LUC7L2: variants seen among roughly 807,000 people sequenced by gnomAD.
The protein encoded by LUC7L2 is putative RNA-binding protein Luc7-like 2.
A neutral mutation model predicts 52.8 loss-of-function variants in LUC7L2; 25 were observed. The ratio of observed to expected loss-of-function variants is 0.47; its 90% CI spans 0.34 to 0.66. LUC7L2 has a LOEUF of 0.66. Among genes scored for constraint, LUC7L2 ranks in the 30% least tolerant of loss-of-function variants. The pLI, the probability that LUC7L2 is intolerant of heterozygous loss-of-function variation, is 0.01. For missense variants in LUC7L2, 328 were observed against 497.8 expected (o/e 0.66, Z 3.25); for synonymous variants, 144 against 160.9 (o/e 0.89, Z 0.80).
intron 2 of LUC7L2, among the ~76,000 whole-genome samples, chr7:139,391,433 A>G (rs1794443912): frequency 6.6e-6 from 1 of 152,228 alleles, no homozygotes; most frequent in African/African-American, 2.4e-5. Context: ...TTATATATTC[A>G]TTAACATATT....
chr7:139,394,319 C>CA (rs1319071722), intron 2 of LUC7L2, among the ~76,000 whole-genome samples: 3 of 152,172 alleles, frequency 2.0e-5, no homozygotes, highest in African/African-American at 7.2e-5. Flanking sequence ...CTATGGAGCT[C>CA]ACATTTTAGT....
chr7:139,399,449 ATTTTTTTTTTTTTTTTTTTTTTTT>A (rs71169090), intron 3 of LUC7L2, among the ~76,000 whole-genome samples: 2 of 50,444 alleles, frequency 4.0e-5, no homozygotes, highest in African/African-American at 1.4e-4. Context: ...TGTTTGGGGG[ATTTTTTTTTTTTTTTTTTTTTTTT>A]TTTTTTTTTT....
intron 7 of LUC7L2, among the ~76,000 whole-genome samples, chr7:139,410,068 G>T (rs10085555): frequency 0.38 from 58,360 of 152,038 alleles, 15,613 homozygotes; most frequent in African/African-American, 0.76. Context: ...TTAGCTGGGC[G>T]AGGTGGCGGG....
chr7:139,372,180 T>C (rs1161106547), intron 1 of LUC7L2, among the ~76,000 whole-genome samples: 1 of 152,182 alleles, frequency 6.6e-6, no homozygotes, highest in East Asian at 1.9e-4. Context: ...CATGTTTTTA[T>C]AGGTGGGATA....
At chr7:139,350,129 T>C (rs1016374362) in intron 1 of LUC7L2, among the ~76,000 whole-genome samples, 9 of 129,902 alleles carry the variant, frequency 6.9e-5, no homozygotes, top group Non-Finnish European at 1.5e-4. Context: ...TAACCTTATC[T>C]TTTTTTTTTT....
chr7:139,370,636 G>A (rs1165903200), intron 1 of LUC7L2, among the ~76,000 whole-genome samples: 3 of 151,844 alleles, frequency 2.0e-5, no homozygotes, highest in East Asian at 1.9e-4. Context: ...TATATTTTTA[G>A]TAGTGATGGG....
In LUC7L2 at chr7:139,405,749, G is replaced by A; in HGVS notation, c.472G>A (p.Glu158Lys). The A allele has an allele frequency of 1.2e-6, 2 of 1,612,320 alleles. No homozygotes were observed. The highest frequency in any genetic ancestry group is 1.7e-6 in the Non-Finnish European group (2 of 1,179,562). The change falls in exon 5 of 10, where the codon GAA becomes AAA. Residue 158 changes from glutamate (E) to lysine (K), a missense_variant. Around this residue, in one of 2 missense-constraint regions of LUC7L2, gnomAD observed 133 missense variants for 274.4 expected, o/e 0.48. Coordinates refer to ENST00000354926, the MANE Select transcript of LUC7L2 (RefSeq NM_016019.5). ...NVEESQKVMD[E>K]VEKARAKKRE... ...GGAGGAATCCCAGAAAGTAATGGATGAAGTAGAGAAAGCACGGGCAAAGAA... is the reference window on the plus strand; with the variant it reads ...GGAGGAATCCCAGAAAGTAATGGATAAAGTAGAGAAAGCACGGGCAAAGAA...
intron 1 of LUC7L2, among the ~76,000 whole-genome samples, chr7:139,344,243 G>A (rs893863646): frequency 2.6e-5 from 4 of 152,164 alleles, no homozygotes; most frequent in African/African-American, 9.7e-5. Flanking sequence ...GTAAGAGCGA[G>A]AATAGCCATT....
chr7:139,351,548 T>C (rs556473203), intron 1 of LUC7L2, among the ~76,000 whole-genome samples: 2 of 152,332 alleles, frequency 1.3e-5, no homozygotes, highest in East Asian at 3.9e-4. Context: ...TTTTCCCCTA[T>C]GCAACACAGA....
At chr7:139,405,394 G>C (rs1024821220) in intron 4 of LUC7L2, among the ~76,000 whole-genome samples, 12 of 152,134 alleles carry the variant, frequency 7.9e-5, no homozygotes, top group Middle Eastern at 3.2e-3. Context: ...TTTACACTAG[G>C]AATACACCAC....
At chr7:139,358,549 T>A (rs1169000745), upstream of LUC7L2, among the ~76,000 whole-genome samples, 1 of 152,228 alleles carries the variant, frequency 6.6e-6, no homozygotes, top group Non-Finnish European at 1.5e-5. Context: ...GGAACACAAA[T>A]CTCTATTATG....
At chr7:139,359,502 C>A (rs182323710), upstream of LUC7L2, 4 of 225,878 alleles carry the variant, frequency 1.8e-5, no homozygotes, top group East Asian at 3.6e-4. Context: ...GCCCCGAGCA[C>A]GCCCACCTCA....
rs768784454 is a variant in LUC7L2, at chr7:139,417,494, T to A, written c.810-44T>A. On this transcript the variant is annotated intron_variant, in intron 8 of 9. Coordinates refer to ENST00000354926, the MANE Select transcript of LUC7L2 (RefSeq NM_016019.5). ...AAAAGGCTTTAATAAATGAGAAATA[T>A]AGTAATTACAAAGGTAGAAACAAAA... 1.9e-6 allele frequency: 3 copies of A among 1,584,386 alleles called. No individual in the cohort carries two copies. In the Admixed American group the frequency reaches 5.4e-5, roughly 28 times the overall value.
chr7:139,352,587 A>T (rs956222162), intron 1 of LUC7L2, among the ~76,000 whole-genome samples: 2 of 152,170 alleles, frequency 1.3e-5, no homozygotes, highest in African/African-American at 4.8e-5. Context: ...AAACCAATTA[A>T]CTAGTTCTTT....
rs10593094 is a variant in LUC7L2 at position 139,412,825 on chromosome 7, TA to T, written c.809+268del. On this transcript the variant is annotated intron_variant, in intron 8 of 9. Transcript: ENST00000354926. Reference sequence around the variant, plus strand: ...GGGCAACAGAATAGGACTCTGTCTTTAAAAAAAAAAAAAAAAAAAAAAAGAA... The same window carrying T: ...GGGCAACAGAATAGGACTCTGTCTTTAAAAAAAAAAAAAAAAAAAAAAGAA... The T allele has an allele frequency of 2.0e-3, 250 of 122,432 alleles. 1 individual carries two copies. The highest frequency in any genetic ancestry group is 3.5e-3 in the East Asian group (15 of 4,278). The allele number at this position is 122,432 out of a possible 1,614,324, so 7.6% of individuals were successfully genotyped here. A position where few individuals can be genotyped will look rare whatever the true frequency, so the allele number is the denominator to read the frequency against.
intron 5 of LUC7L2, among the ~76,000 whole-genome samples, chr7:139,406,203 C>T (rs1268809254): frequency 1.2e-4 from 18 of 152,122 alleles, no homozygotes; most frequent in Non-Finnish European, 4.4e-5. Flanking sequence ...AGGCCCATGC[C>T]ACCACACCTG....
chr7:139,381,608 G>A (rs944812049), intron 2 of LUC7L2, among the ~76,000 whole-genome samples: 5 of 148,822 alleles, frequency 3.4e-5, no homozygotes, highest in Middle Eastern at 3.6e-3. Flanking sequence ...ACAGAGTCTC[G>A]CTCTGTTGCC....
In LUC7L2 at chr7:139,383,035, C is replaced by T. The variant is rs1158818434; in HGVS notation, c.156+6879C>T. On this transcript the variant is annotated intron_variant, in intron 2 of 9. Coordinates refer to ENST00000354926, the MANE Select transcript of LUC7L2 (RefSeq NM_016019.5). ...CTGCTTCCTAGGCATAAGCAATTCT[C>T]CTGCCTCACCCTTCCAAGTAGGTGG... is the stretch of plus-strand genomic sequence containing the variant. Among the ~76,000 whole-genome samples the T allele has an allele frequency of 2.6e-5, 4 of 152,300 alleles. No individual in the cohort carries two copies. The Middle Eastern group carries it at 0.01, about 389-fold the overall frequency.
chr7:139,402,010 T>C, intron 3 of LUC7L2, 127 bp from the exon 4 acceptor site: 1 of 990,908 alleles, frequency 1.0e-6, no homozygotes, highest in Non-Finnish European at 1.4e-6. Context: ...AAGTGCTCAA[T>C]TACTGACGTG....
Sources: allele counts gnomAD v4.1 joint callset (sites outside exome capture counted in the v4.1 genomes callset), GRCh38; gene constraint gnomAD v4.1.1; regional missense constraint gnomAD v4.1.1; transcripts MANE v1.5; gene names NCBI Gene and HGNC (gene_info 2026-07-23, HGNC 2026-07-21).